CCDC102B: variants seen among roughly 807,000 people sequenced by gnomAD.
CCDC102B encodes coiled-coil domain-containing protein 102B.
In CCDC102B, 75 loss-of-function variants were observed where a neutral mutation model predicts 57.4. The observed-to-expected ratio is 1.31, with a 90% CI of 1.08 to 1.58. The LOEUF is 1.58. Ranked by LOEUF, CCDC102B falls within the 40% of genes most tolerant of loss-of-function variation. The probability of loss-of-function intolerance (pLI) is 0.00; values close to 1 mark genes in which losing one functional copy is unlikely to be tolerated. For missense variants in CCDC102B, 636 were observed against 582.6 expected, an observed-to-expected ratio of 1.09 and a Z score of -0.94; for synonymous variants, 206 against 201.9, an observed-to-expected ratio of 1.02 and a Z score of -0.17.
At chr18:68,990,830 C>G (rs576117529) in intron 6 of CCDC102B, among the ~76,000 whole-genome samples, 1 of 152,072 alleles carries the variant, frequency 6.6e-6, no homozygotes, top group Non-Finnish European at 1.5e-5. Flanking sequence ...AGTTATGAAA[C>G]AGGGAAAATT....
intron 4 of CCDC102B, among the ~76,000 whole-genome samples, chr18:68,857,202 TA>T (rs1321973217): frequency 1.8e-5 from 1 of 56,688 alleles, no homozygotes; most frequent in Non-Finnish European, 2.8e-5. Context: ...TATTTTTATA[TA>T]ATATATAAAA....
At chr18:68,967,020 C>A (rs781090497) in intron 6 of CCDC102B, among the ~76,000 whole-genome samples, 32 of 152,004 alleles carry the variant, frequency 2.1e-4, no homozygotes, top group Admixed American at 7.2e-4. Flanking sequence ...GACAGAAACA[C>A]GAGGGAAATA....
chr18:68,753,729 C>CA lies in CCDC102B; in HGVS notation c.-67+37147dup, dbSNP rs1203438679. 7.6e-3 allele frequency: 1,063 copies of CA among 140,620 alleles called. 8 individuals are homozygous for CA. The highest frequency in any genetic ancestry group is 0.023 in the East Asian group (114 of 4,880). The allele number at this position is 140,620 out of a possible 1,614,324, so 8.7% of individuals were successfully genotyped here. A position where few individuals can be genotyped will look rare whatever the true frequency, so the allele number is the denominator to read the frequency against. Reference sequence around the variant, plus strand: ...CTGCATTTGGCTAATTATTATTTTACAAAAAAAAAAAATGTAGGGATTGGG... The same window carrying CA: ...CTGCATTTGGCTAATTATTATTTTACAAAAAAAAAAAAATGTAGGGATTGGG... On this transcript the variant is annotated intron_variant, in intron 2 of 3. Coordinates refer to the CCDC102B transcript ENST00000578970.
intron 2 of CCDC102B, among the ~76,000 whole-genome samples, chr18:68,744,868 C>T (rs755298289): frequency 2.8e-4 from 42 of 152,122 alleles, no homozygotes; most frequent in Non-Finnish European, 4.6e-4. Context: ...GAATGCTCTC[C>T]GAAGTCTATC....
intron 3 of CCDC102B, among the ~76,000 whole-genome samples, chr18:68,844,480 A>T (rs1159637591): frequency 1.3e-5 from 2 of 151,840 alleles, no homozygotes; most frequent in African/African-American, 4.8e-5. Flanking sequence ...AAATCTAAAA[A>T]ATTAAAATTA....
chr18:68,837,564 A>G (rs527418207), intron 2 of CCDC102B, among the ~76,000 whole-genome samples, 195 bp downstream of exon 2: 1 of 152,204 alleles, frequency 6.6e-6, no homozygotes, highest in African/African-American at 2.4e-5. Flanking sequence ...TACAAGATCA[A>G]CATGCTAGCA....
intron 2 of CCDC102B, among the ~76,000 whole-genome samples, chr18:68,757,502 C>G (rs1017064295): frequency 6.6e-6 from 1 of 151,890 alleles, no homozygotes; most frequent in Non-Finnish European, 1.5e-5. Flanking sequence ...ATGAAATTTT[C>G]TCTTAAAAAA....
At chr18:68,857,389 ATTAT>A (rs1167631196) in intron 4 of CCDC102B, among the ~76,000 whole-genome samples, 3 of 122,532 alleles carry the variant, frequency 2.4e-5, no homozygotes, top group Non-Finnish European at 4.9e-5. Context: ...ATATATATTT[ATTAT>A]TTAAATATAT....
chr18:68,897,525 AT>A, intron 6 of CCDC102B, 97 bp downstream of exon 6: 2 of 1,551,522 alleles, frequency 1.3e-6, no homozygotes, highest in Non-Finnish European at 1.8e-6. Context: ...ACATTTGGAT[AT>A]TTCCTTTTGT....
At chr18:68,852,147 T>C (rs928017508) in intron 4 of CCDC102B, among the ~76,000 whole-genome samples, 1 of 152,148 alleles carries the variant, frequency 6.6e-6, no homozygotes, top group African/African-American at 2.4e-5. Flanking sequence ...TCCCCCACTA[T>C]GTACAGACAT....
At chr18:68,958,852 A>G (rs951421246) in intron 6 of CCDC102B, among the ~76,000 whole-genome samples, 26 of 152,072 alleles carry the variant, frequency 1.7e-4, no homozygotes, top group Middle Eastern at 3.4e-3. Flanking sequence ...GATTCTTTTT[A>G]GTTATTTTAA....
chr18:68,830,161 C>A (rs1450592425), intron 1 of CCDC102B, among the ~76,000 whole-genome samples: 1 of 151,812 alleles, frequency 6.6e-6, no homozygotes, highest in Non-Finnish European at 1.5e-5. Context: ...GTCATTTAAT[C>A]GATATGAGGT....
Position 68,983,299 on chromosome 18 carries a change from C to T in CCDC102B, c.1264-27635C>T, listed in dbSNP as rs113177501. Among the ~76,000 whole-genome samples, 679 of 151,966 alleles carry T rather than the reference C, an allele frequency of 4.5e-3. 3 individuals are homozygous for T. The highest frequency in any genetic ancestry group is 7.7e-3 in the Non-Finnish European group (522 of 67,872). On this transcript the variant is annotated intron_variant, in intron 6 of 7. Transcript: ENST00000360242. ...ATGCCAAAGTGAAATGGACATTTGG[C>T]AGTTGACCAGTTAATTTGATCAATG...
intron 6 of CCDC102B, among the ~76,000 whole-genome samples, chr18:68,939,278 G>A (rs956845906): frequency 4.0e-5 from 6 of 151,332 alleles, no homozygotes; most frequent in African/African-American, 1.5e-4. Context: ...CTGATATCAG[G>A]GGCTTTATTT....
intron 4 of CCDC102B, among the ~76,000 whole-genome samples, chr18:68,868,891 T>G (rs564790331): frequency 6.6e-6 from 1 of 152,138 alleles, no homozygotes; most frequent in African/African-American, 2.4e-5. Flanking sequence ...GGTAGAAATA[T>G]TCCACGTGTC....
intron 5 of CCDC102B, among the ~76,000 whole-genome samples, chr18:68,881,091 A>G (rs2039679047): frequency 1.3e-5 from 2 of 152,254 alleles, no homozygotes; most frequent in South Asian, 2.1e-4. Flanking sequence ...GTGATAAATC[A>G]AAACAATTAT....
Position 68,838,827 on chromosome 18 carries a change from T to C in CCDC102B, c.728T>C (p.Leu243Pro). ...GGTGAAACGAAAACTGGGCTGAGAC[T>C]GAAAGCAATAAATCTGCCTTTGGAA... ...GNGETKTGLR[L>P]KAINLPLENE... The change falls in exon 3 of 8, where the codon CTG becomes CCG. Residue 243 changes from leucine to proline, a missense_variant. Transcript: ENST00000360242. 4 of 1,614,012 alleles carry C rather than the reference T, an allele frequency of 2.5e-6. No individual in the cohort carries two copies. Among genetic ancestry groups the C allele is most frequent in the Non-Finnish European group, 3.4e-6 (4 of 1,179,958 alleles).
chr18:68,728,240 G>A (rs1398763684), intron 2 of CCDC102B, among the ~76,000 whole-genome samples: 2 of 152,174 alleles, frequency 1.3e-5, no homozygotes, highest in Admixed American at 1.3e-4. Context: ...AACATTTGAA[G>A]TCATTTCTGA....
chr18:68,874,661 T>G lies in CCDC102B; in HGVS notation c.937-8T>G, dbSNP rs761665426. On this transcript the variant is annotated splice_region_variant and splice_polypyrimidine_tract_variant and intron_variant, in intron 4 of 7. Transcript: ENST00000360242. ...TCCTGTGATTGTAATTTCAACTTTC[T>G]TTTTCAGTTTGACATTCTTCTTGGT... 8 of 1,569,546 alleles carry G rather than the reference T, an allele frequency of 5.1e-6. No individual in the cohort carries two copies. The South Asian group carries it at 7.8e-5, about 15-fold the overall frequency.
Sources: allele counts gnomAD v4.1 joint callset (sites outside exome capture counted in the v4.1 genomes callset), GRCh38; gene constraint gnomAD v4.1.1; transcripts MANE v1.5; gene names NCBI Gene and HGNC (gene_info 2026-07-23, HGNC 2026-07-21).